The following CADPS2 variants were observed in gnomAD, a reference collection of about 807,000 sequenced individuals.
CADPS2 encodes calcium dependent secretion activator 2.
Under a neutral mutation model 172.5 loss-of-function variants are expected in CADPS2, and 93 were observed. The observed-to-expected ratio is 0.54, with a 90% confidence interval of 0.46 to 0.64. The LOEUF (loss-of-function observed/expected upper bound fraction) is 0.64. Among genes scored for constraint, CADPS2 ranks in the 30% least tolerant of loss-of-function variants. The pLI is 0.00. For synonymous variants in CADPS2, 546 were observed against 555.2 expected (o/e 0.98, Z 0.23); for missense variants, 1,420 against 1,565.9 (o/e 0.91, Z 1.57).
intron 9 of CADPS2, among the ~76,000 whole-genome samples, chr7:122,500,378 A>G (rs577963267): frequency 6.6e-6 from 1 of 152,280 alleles, no homozygotes; most frequent in South Asian, 2.1e-4. Context: ...AAAATGTACT[A>G]TTTTTGAAAG....
intron 1 of CADPS2, among the ~76,000 whole-genome samples, chr7:122,797,392 GCA>G (rs1355533371): frequency 6.6e-6 from 1 of 152,178 alleles, no homozygotes; most frequent in Non-Finnish European, 1.5e-5. Flanking sequence ...AGACACACAT[GCA>G]CGTGTGTGTT....
Position 122,549,119 on chromosome 7 carries a change from G to A in CADPS2, c.1475+5431C>T, listed in dbSNP as rs1211969501. Among the ~76,000 whole-genome samples the A allele has an allele frequency of 2.6e-5, 4 of 152,072 alleles. No individual in the cohort carries two copies. The South Asian group carries it at 6.2e-4, about 24-fold the overall frequency. ...AAAACTTGAAGAATATCATAAGGCC[G>A]AGCACAGTGGCTCACGTCTGTATTT... On this transcript the variant is annotated intron_variant, in intron 8 of 29. Coordinates refer to ENST00000449022, the MANE Select transcript of CADPS2 (RefSeq NM_017954.11).
chr7:122,679,601 C>A (rs2082800680), intron 2 of CADPS2, among the ~76,000 whole-genome samples: 1 of 152,114 alleles, frequency 6.6e-6, no homozygotes, highest in African/African-American at 2.4e-5. Flanking sequence ...GTGACCCACA[C>A]CCTATTCGTA....
rs557800447 is a variant in CADPS2 at position 122,434,821 on chromosome 7, GCTTA to G, written c.2476+3516_2476+3519del. The stretch of plus-strand genomic sequence containing the variant: ...TTAACAACTTTCAAAGTTAATAACT[GCTTA>G]CTTTTTATTTAATAGCATTTATGCT... On this transcript the variant is annotated intron_variant, in intron 17 of 29. Coordinates refer to ENST00000449022, the MANE Select transcript of CADPS2 (RefSeq NM_017954.11). Among the ~76,000 whole-genome samples, 7 of 152,278 alleles carry G rather than the reference GCTTA, an allele frequency of 4.6e-5. No homozygotes were observed. The South Asian group carries it at 1.4e-3, about 32-fold the overall frequency.
At chr7:122,515,157 G>GT (rs1458721994) in intron 8 of CADPS2, among the ~76,000 whole-genome samples, 1 of 152,148 alleles carries the variant, frequency 6.6e-6, no homozygotes, top group Non-Finnish European at 1.5e-5. Flanking sequence ...GCTAACTGAA[G>GT]TTTTTGGTGA....
chr7:122,472,973 T>G (rs2056173102), intron 13 of CADPS2, among the ~76,000 whole-genome samples: 2 of 152,130 alleles, frequency 1.3e-5, no homozygotes, highest in African/African-American at 2.4e-5. Context: ...AAGTTTCAGG[T>G]TGAGCATCCC....
At chr7:122,368,753 C>T (rs2041314805) in intron 25 of CADPS2, among the ~76,000 whole-genome samples, 2 of 152,074 alleles carry the variant, frequency 1.3e-5, no homozygotes, top group South Asian at 4.1e-4. Context: ...CTTCCAAATC[C>T]AGCATTCCGT....
chr7:122,670,751 T>G (rs2081744900), intron 2 of CADPS2, among the ~76,000 whole-genome samples: 1 of 151,424 alleles, frequency 6.6e-6, no homozygotes, highest in Non-Finnish European at 1.5e-5. Context: ...TCCACCTGCC[T>G]CAGCCTCCCA....
At chr7:122,390,871 T>C (rs981009168) in intron 22 of CADPS2, among the ~76,000 whole-genome samples, 2 of 151,984 alleles carry the variant, frequency 1.3e-5, no homozygotes, top group Admixed American at 6.6e-5. Flanking sequence ...AGTAGTAGAC[T>C]CTGAGATAAT....
At chr7:122,508,724 G>T (rs2059806928) in intron 9 of CADPS2, among the ~76,000 whole-genome samples, 1 of 151,982 alleles carries the variant, frequency 6.6e-6, no homozygotes, top group Non-Finnish European at 1.5e-5. Flanking sequence ...TATATGAAAT[G>T]ATTCCATTAG....
chr7:122,790,482 A>T (rs1795070163), intron 1 of CADPS2, among the ~76,000 whole-genome samples: 1 of 151,794 alleles, frequency 6.6e-6, no homozygotes, highest in Admixed American at 6.6e-5. Context: ...CTATAATCCA[A>T]GAAAATGTTT....
At position 122,414,054 on chromosome 7, in the gene CADPS2, AT is replaced by A; in HGVS notation, c.2589+13del. 1 of 1,556,116 alleles carries A rather than the reference AT, an allele frequency of 6.4e-7. No individual in the cohort carries two copies. The highest frequency in any genetic ancestry group is 1.2e-5 in the South Asian group (1 of 84,604). The stretch of plus-strand genomic sequence containing the variant: ...ATCCTATGCTAATAAAATAGTGGAA[AT>A]CATTTTACTCACCTCTCTTCCCTGA... On this transcript the variant is annotated intron_variant, in intron 19 of 29. Coordinates refer to ENST00000449022, the MANE Select transcript of CADPS2 (RefSeq NM_017954.11).
At chr7:122,806,109 T>A (rs1166249815) in intron 1 of CADPS2, among the ~76,000 whole-genome samples, 1 of 152,340 alleles carries the variant, frequency 6.6e-6, no homozygotes, top group Middle Eastern at 3.4e-3. Context: ...ATTTTCTTAA[T>A]GTGGCAGTCA....
chr7:122,836,712 C>A (rs546106305), intron 1 of CADPS2, among the ~76,000 whole-genome samples: 1 of 152,154 alleles, frequency 6.6e-6, no homozygotes, highest in Non-Finnish European at 1.5e-5. Context: ...GGGATCAATT[C>A]AACAAGAAGA....
intron 6 of CADPS2, among the ~76,000 whole-genome samples, chr7:122,595,844 G>A (rs2071686593): frequency 6.6e-6 from 1 of 152,078 alleles, no homozygotes; most frequent in African/African-American, 2.4e-5. Flanking sequence ...GACTTTTTCT[G>A]AGAGTTGAAA....
At chr7:122,751,128 A>G (rs1353697482) in intron 1 of CADPS2, among the ~76,000 whole-genome samples, 1 of 152,124 alleles carries the variant, frequency 6.6e-6, no homozygotes, top group Non-Finnish European at 1.5e-5. Flanking sequence ...ATATTTTAAG[A>G]TATAGGCATT....
intron 15 of CADPS2, among the ~76,000 whole-genome samples, chr7:122,450,829 C>T (rs1399781848): frequency 6.6e-5 from 10 of 152,124 alleles, no homozygotes; most frequent in Admixed American, 5.2e-4. Context: ...GACTCTGTGA[C>T]TGGCTGATAG....
At chr7:122,516,907 T>C (rs895161694) in intron 8 of CADPS2, among the ~76,000 whole-genome samples, 2 of 151,878 alleles carry the variant, frequency 1.3e-5, no homozygotes, top group African/African-American at 4.8e-5. Flanking sequence ...GAGTAGTTTA[T>C]TGGTATAGTT....
At chr7:122,654,940 T>G (rs1003208890) in intron 3 of CADPS2, among the ~76,000 whole-genome samples, 4 of 152,182 alleles carry the variant, frequency 2.6e-5, no homozygotes, top group Admixed American at 1.3e-4. Flanking sequence ...TTGGAAGAAG[T>G]TGATTCCAAT....
Sources: gnomAD v4.1 joint callset for allele counts (sites outside exome capture counted in the v4.1 genomes callset) on GRCh38, gnomAD v4.1.1 for gene constraint, MANE v1.5 for transcripts, NCBI Gene and HGNC (gene_info 2026-07-23, HGNC 2026-07-21) for gene names.